The following TRIM67 variants were observed in gnomAD, a reference collection of about 807,000 sequenced individuals.
The protein encoded by TRIM67 is tripartite motif-containing protein 67.
Under a neutral mutation model 71.0 loss-of-function variants are expected in TRIM67, and 39 were observed. The observed-to-expected ratio is 0.55, with a 90% CI of 0.43 to 0.72. The LOEUF (loss-of-function observed/expected upper bound fraction) is 0.72. TRIM67 is among the 30% of genes least tolerant of loss of function. The pLI is 0.00. For missense variants in TRIM67, 973 were observed against 1,079.2 expected (o/e 0.90, Z 1.38); for synonymous variants, 481 against 473.9 (o/e 1.01, Z -0.19).
rs557396449 is a variant in TRIM67 at position 231,216,372 on chromosome 1, G to C, written c.*932G>C. 1 of 985,202 alleles carries C rather than the reference G, an allele frequency of 1.0e-6. No individual in the cohort carries two copies. The highest frequency in any genetic ancestry group is 1.7e-5 in the African/African-American group (1 of 57,194). 61.0% of individuals were successfully genotyped at this position (985,202 alleles called of 1,614,324 possible). A position where few individuals can be genotyped will look rare whatever the true frequency, so the allele number is the denominator to read the frequency against. ...TTCTTAAATCCACGTGAAAACACAA[G>C]AATTTTAACAACTATGTCATAGGTC... On this transcript the variant is annotated 3_prime_UTR_variant, in exon 10 of 10. Transcript: ENST00000366653.
chr1:231,173,893 G>A (rs1198927780), intron 1 of TRIM67, among the ~76,000 whole-genome samples: 5 of 152,274 alleles, frequency 3.3e-5, no homozygotes, highest in Admixed American at 3.3e-4. Context: ...TAGGAGAGAG[G>A]CAGCAGAAAT....
intron 1 of TRIM67, among the ~76,000 whole-genome samples, chr1:231,167,345 C>T (rs1377988973): frequency 1.3e-4 from 2 of 15,718 alleles, no homozygotes; most frequent in Admixed American, 1.4e-3. Flanking sequence ...TTTTTTGAGA[C>T]GGAGTCTCGC....
chr1:231,167,568 C>T (rs1419164971), intron 1 of TRIM67, among the ~76,000 whole-genome samples: 7 of 106,320 alleles, frequency 6.6e-5, no homozygotes, highest in South Asian at 4.9e-4. Flanking sequence ...GTGATCCGCC[C>T]GCCTCGGCCT....
intron 1 of TRIM67, among the ~76,000 whole-genome samples, chr1:231,174,279 C>T (rs1201887135): frequency 6.6e-6 from 1 of 151,658 alleles, no homozygotes. Context: ...CTGCCTCAGC[C>T]TTCCAAGTAG....
chr1:231,202,153 C>CGGAGAAGGAGGAGGTAGT (rs1683559327), intron 5 of TRIM67, among the ~76,000 whole-genome samples: 2 of 2,248 alleles, frequency 8.9e-4, no homozygotes, highest in African/African-American at 1.4e-3. Flanking sequence ...GAAGAGGTAG[C>CGGAGAAGGAGGAGGTAGT]GGAGGAGGAG....
In TRIM67 at chr1:231,208,927, C is replaced by G. The variant is rs74143587; in HGVS notation, c.1820-20C>G. 36,103 of 1,554,314 alleles carry G rather than the reference C, an allele frequency of 0.023. 1,050 individuals carry two copies. Among genetic ancestry groups the G allele is most frequent in the African/African-American group, 0.12 (9,182 of 73,718 alleles). On this transcript the variant is annotated intron_variant, in intron 7 of 9. Transcript: ENST00000366653. ...AATTCCATCCCCTGACCCTGCTCCT[C>G]TCACCTCCTCCCTTTTTAGTGGCCT...
chr1:231,202,246 A>AATG (rs1683570972), intron 5 of TRIM67, among the ~76,000 whole-genome samples: 1 of 2,178 alleles, frequency 4.6e-4, no homozygotes, highest in African/African-American at 1.6e-3. Context: ...GAGGGGGGGT[A>AATG]GTGGAGAAGG....
chr1:231,175,444 T>A (rs567058659), intron 1 of TRIM67, among the ~76,000 whole-genome samples: 1 of 152,310 alleles, frequency 6.6e-6, no homozygotes, highest in African/African-American at 2.4e-5. Flanking sequence ...TCAGAAGACA[T>A]TAGACTCCTA....
intron 1 of TRIM67, among the ~76,000 whole-genome samples, chr1:231,180,649 T>A (rs183194095): frequency 1.3e-5 from 2 of 152,284 alleles, no homozygotes; most frequent in Admixed American, 1.3e-4. Flanking sequence ...AAGAAAAAAG[T>A]CGCATGTGTT....
At position 231,163,493 on chromosome 1, in the gene TRIM67, G is replaced by A. The variant is rs768905028; in HGVS notation, c.524G>A (p.Gly175Asp). The A allele has an allele frequency of 3.9e-6, 6 of 1,521,724 alleles. No homozygotes were observed. Among genetic ancestry groups the A allele is most frequent in the Non-Finnish European group, 5.3e-6 (6 of 1,140,956 alleles). The allele number at this position is 1,521,724 out of a possible 1,614,324, so 94.3% of individuals were successfully genotyped here. Residue 175 changes from glycine (G) to aspartate (D), a missense_variant, in exon 1 of 10, where the codon GGC (glycine) becomes GAC (aspartate). Physicochemically the swap from Gly to Asp is moderately conservative, Grantham distance 94 (BLOSUM62 -1). Around this residue, in one of 2 missense-constraint regions of TRIM67, gnomAD observed 795 missense variants for 831.3 expected, o/e 0.96. Coordinates refer to ENST00000366653, the MANE Select transcript of TRIM67 (RefSeq NM_001004342.5). ...TCCCTGGACCACCGCGGCCTGCGCG[G>A]CTTCCAGCGCAACCGGCTGCTCGAG... ...SASLDHRGLR[G>D]FQRNRLLEAI...
rs141213163 is a variant in TRIM67 at position 231,189,667 on chromosome 1, G to A, written c.1045-7704G>A. 1.2e-4 allele frequency among the ~76,000 whole-genome samples: 18 copies of A among 152,236 alleles called. No individual in the cohort carries two copies. In the East Asian group the frequency reaches 3.5e-3, roughly 29 times the overall value. On this transcript the variant is annotated intron_variant, in intron 1 of 9. Coordinates refer to ENST00000366653, the MANE Select transcript of TRIM67 (RefSeq NM_001004342.5). ...TGGCAGGACGTTTTCTTGATTCATA[G>A]ATGGCATCTTCTCACTCTGGGGCCT...
Position 231,163,138 on chromosome 1 carries a change from C to G in TRIM67, c.169C>G (p.Leu57Val), listed in dbSNP as rs906203587. ...GCTCCTGCTTTCCCGGGGATCGGGG[C>G]TGCAGGCGGGCGCCGCCGCCGCTGC... ...QPLLLSRGSG[L>V]QAGAAAAASL... is the part of the protein sequence containing the mutation. The change falls in exon 1 of 10, where the codon CTG becomes GTG. Residue 57 changes from leucine (L) to valine (V), a missense_variant. Coordinates refer to ENST00000366653, the MANE Select transcript of TRIM67 (RefSeq NM_001004342.5). 3.9e-6 allele frequency: 6 copies of G among 1,540,898 alleles called. No individual in the cohort carries two copies. The highest frequency in any genetic ancestry group is 2.6e-6 in the Non-Finnish European group (3 of 1,144,344).
intron 1 of TRIM67, chr1:231,185,934 G>T: frequency 1.5e-6 from 1 of 662,710 alleles, no homozygotes; most frequent in Non-Finnish European, 2.6e-6. Context: ...GGAGATGAGT[G>T]TGATAAACGG....
chr1:231,176,968 G>C (rs188518082), intron 1 of TRIM67, among the ~76,000 whole-genome samples: 23 of 145,534 alleles, frequency 1.6e-4, no homozygotes, highest in African/African-American at 4.9e-4. Context: ...TAAGGGGCTA[G>C]AGATGGGGAG....
chr1:231,200,031 G>GC, intron 3 of TRIM67, 117 bp from the exon 4 acceptor site: 1 of 724,250 alleles, frequency 1.4e-6, no homozygotes. Context: ...GTGCAAGGTG[G>GC]TCCAGGCCAG....
Position 231,163,856 on chromosome 1 carries a change from C to T in TRIM67, c.887C>T (p.Thr296Met), listed in dbSNP as rs373033664. Residue 296 changes from threonine to methionine, a missense_variant, in exon 1 of 10, where the codon ACG becomes ATG. Coordinates refer to ENST00000366653, the MANE Select transcript of TRIM67 (RefSeq NM_001004342.5). ...GGGGCGGGGGCGACTGGGGGCAGCA[C>T]GGCCCGCAAGTTCCCCACGTGTCCC... is the stretch of plus-strand genomic sequence containing the variant. ...GAGAGATGGS[T>M]ARKFPTCPEH... 2.0e-5 allele frequency: 31 copies of T among 1,560,964 alleles called. No homozygotes were observed. The African/African-American group carries it at 3.9e-4, about 20-fold the overall frequency.
rs1435300505 is a variant in TRIM67 at position 231,201,506 on chromosome 1, T to A, written c.1523T>A (p.Met508Lys). 6.2e-7 allele frequency: 1 copy of A among 1,613,792 alleles called. No individual in the cohort carries two copies. The highest frequency in any genetic ancestry group is 8.5e-7 in the Non-Finnish European group (1 of 1,179,850). ...ATCCACCAGCTGGACTTCATTCAGA[T>A]GAAATGTAGGGGTGAGCCGCGGTTG... The part of the protein sequence containing the change: ...QAIHQLDFIQ[M>K]KCRVPPVPLL... Residue 508 changes from methionine to lysine, a missense_variant, in exon 5 of 10, where the codon ATG (methionine) becomes AAG (lysine). Physicochemically the swap from Met to Lys is moderately conservative, Grantham distance 95. This residue lies in a region of TRIM67 where 795 missense variants were observed against 831.3 expected (regional missense o/e 0.96). Transcript: ENST00000366653.
intron 1 of TRIM67, among the ~76,000 whole-genome samples, chr1:231,192,795 G>C (rs1376420901): frequency 6.6e-6 from 1 of 152,236 alleles, no homozygotes; most frequent in African/African-American, 2.4e-5. Flanking sequence ...CTCACCAAGG[G>C]GGCATCAAAA....
chr1:231,165,582 G>C (rs1682438349), intron 1 of TRIM67, among the ~76,000 whole-genome samples: 1 of 152,116 alleles, frequency 6.6e-6, no homozygotes, highest in South Asian at 2.1e-4. Context: ...AACATGAGCT[G>C]GCAACTTTTG....
Sources: gnomAD v4.1 joint callset for allele counts (sites outside exome capture counted in the v4.1 genomes callset) on GRCh38, gnomAD v4.1.1 for gene constraint, gnomAD v4.1.1 regional missense constraint, MANE v1.5 for transcripts, NCBI Gene and HGNC (gene_info 2026-07-23, HGNC 2026-07-21) for gene names.